ELF1: variants seen among roughly 807,000 people sequenced by gnomAD.
ELF1 encodes ETS-related transcription factor Elf-1.
In ELF1, 24 loss-of-function variants were observed where a neutral mutation model predicts 59.9. That is an observed-to-expected ratio of 0.40 (90% CI 0.29 to 0.56). ELF1 has a LOEUF of 0.56. Ranked by LOEUF, ELF1 falls within the 20% of genes least tolerant of loss-of-function variation. The pLI is 0.44. For synonymous variants in ELF1, 248 were observed against 266.2 expected, an observed-to-expected ratio of 0.93 and a Z score of 0.67; for missense variants, 627 against 742.2, an observed-to-expected ratio of 0.84 and a Z score of 1.80.
intron 2 of ELF1, among the ~76,000 whole-genome samples, chr13:40,973,506 T>G (rs867940340): frequency 2.6e-4 from 39 of 152,228 alleles, no homozygotes; most frequent in South Asian, 6.2e-4. Flanking sequence ...ATCTTTTATG[T>G]GCTATGTGTT....
chr13:41,051,127 G>A (rs957450646), intron 1 of ELF1, among the ~76,000 whole-genome samples: 1 of 151,982 alleles, frequency 6.6e-6, no homozygotes, highest in Non-Finnish European at 1.5e-5. Flanking sequence ...CTTCTAGAAG[G>A]TAATGGCAAT....
At chr13:41,024,496 A>AT (rs774575562) in intron 1 of ELF1, among the ~76,000 whole-genome samples, 12 of 151,824 alleles carry the variant, frequency 7.9e-5, no homozygotes, top group Non-Finnish European at 1.6e-4. Flanking sequence ...TATTTTTTGT[A>AT]TTTTTTTGTA....
chr13:40,989,219 T>C lies in ELF1; in HGVS notation c.-228-6937A>G, dbSNP rs567882365. Among the ~76,000 whole-genome samples, 89 of 152,290 alleles carry C rather than the reference T, an allele frequency of 5.8e-4. 1 individual carries two copies. The South Asian group carries it at 0.018, about 31-fold the overall frequency. On this transcript the variant is annotated intron_variant, in intron 1 of 8. Transcript: ENST00000239882. Reference sequence around the variant, plus strand: ...TAGTTAAGAAACCAGATTTGAACTTTCCCAAAAAAGAATAGTCATACTTTC... The same window carrying C: ...TAGTTAAGAAACCAGATTTGAACTTCCCCAAAAAAGAATAGTCATACTTTC...
At position 40,951,370 on chromosome 13, in the gene ELF1, T is replaced by G. The variant is rs1350852775; in HGVS notation, c.320A>C (p.Asn107Thr). 6.2e-7 allele frequency: 1 copy of G among 1,613,822 alleles called. No individual in the cohort carries two copies. The highest frequency in any genetic ancestry group is 8.5e-7 in the Non-Finnish European group (1 of 1,179,820). Residue 107 changes from asparagine to threonine, a missense_variant, in exon 4 of 9, where the codon AAT (asparagine) becomes ACT (threonine). By Grantham distance (65) the Asn-to-Thr change is moderately conservative. Coordinates refer to ENST00000239882, the MANE Select transcript of ELF1 (RefSeq NM_172373.4). ...CAGCATAGGGCCAGGGGAATCCATA[T>G]TGAGGAGTGCCTCAGCAGCCTCAAT... is the stretch of plus-strand genomic sequence containing the variant. ...ETIEAAEALLNMDSPGPMLDE... is the reference protein window; with the variant it reads ...ETIEAAEALLTMDSPGPMLDE...
chr13:40,956,571 C>CAAAAAAAAAAAA (rs34245662), intron 3 of ELF1, among the ~76,000 whole-genome samples: 7 of 76,134 alleles, frequency 9.2e-5, no homozygotes, highest in Non-Finnish European at 1.1e-4. Context: ...CAAGAATGAT[C>CAAAAAAAAAAAA]AAAAAAAAAA....
intron 3 of ELF1, among the ~76,000 whole-genome samples, chr13:40,954,314 G>A (rs1871056317): frequency 6.6e-6 from 1 of 152,206 alleles, no homozygotes; most frequent in South Asian, 2.1e-4. Flanking sequence ...AATGTTGGAG[G>A]AGGGGCCTGG....
chr13:40,981,673 T>C (rs556606568), intron 2 of ELF1, among the ~76,000 whole-genome samples: 4 of 152,270 alleles, frequency 2.6e-5, no homozygotes, highest in Non-Finnish European at 5.9e-5. Context: ...GTATATTCTC[T>C]AGAACTTTTC....
chr13:40,968,158 C>T (rs1192405061), intron 2 of ELF1, among the ~76,000 whole-genome samples: 1 of 152,174 alleles, frequency 6.6e-6, no homozygotes, highest in Non-Finnish European at 1.5e-5. Context: ...TAATGCTACA[C>T]TTCAATAAGA....
rs1593409273 is a variant in ELF1 at position 41,042,072 on chromosome 13, G to A, written c.-229+18766C>T. On this transcript the variant is annotated intron_variant, in intron 1 of 1. Transcript: ENST00000405737. Reference sequence around the variant, plus strand: ...CAGTCTTGTTCTGTCACACAGGCTGGAGTGCAGTGGCACGATCTAAGCTCA... The same window carrying A: ...CAGTCTTGTTCTGTCACACAGGCTGAAGTGCAGTGGCACGATCTAAGCTCA... Among the ~76,000 whole-genome samples, 7 of 152,036 alleles carry A rather than the reference G, an allele frequency of 4.6e-5. No individual in the cohort carries two copies. The South Asian group carries it at 1.5e-3, about 32-fold the overall frequency.
chr13:40,997,039 G>T (rs1314667229), intron 1 of ELF1, among the ~76,000 whole-genome samples: 1 of 151,962 alleles, frequency 6.6e-6, no homozygotes, highest in Non-Finnish European at 1.5e-5. Flanking sequence ...TTTTGTTCCT[G>T]TGACATTTTA....
intron 3 of ELF1, among the ~76,000 whole-genome samples, chr13:40,955,503 G>A (rs1225873474): frequency 1.8e-5 from 2 of 109,028 alleles, no homozygotes; most frequent in Non-Finnish European, 4.0e-5. Flanking sequence ...ACTGGGAAGT[G>A]AGGAGTCCCT....
chr13:40,998,315 CTA>C (rs1191248611), intron 1 of ELF1, among the ~76,000 whole-genome samples: 1 of 152,186 alleles, frequency 6.6e-6, no homozygotes, highest in East Asian at 1.9e-4. Context: ...TGCACCTTTT[CTA>C]TGTTTGTTTA....
intron 1 of ELF1, among the ~76,000 whole-genome samples, chr13:41,030,822 T>G (rs542621312): frequency 0.015 from 1,913 of 128,756 alleles, 19 homozygotes; most frequent in South Asian, 0.023. Flanking sequence ...TTGTTTTTTT[T>G]GGGGGGTGGG....
chr13:41,061,063 C>G (rs1271479879), exon 1 of ELF1: 1 of 195,206 alleles, frequency 5.1e-6, no homozygotes, highest in African/African-American at 2.3e-5. Context: ...GAGGCGAAGC[C>G]TAGCGACTCG....
chr13:40,996,965 C>T (rs1042357690), intron 1 of ELF1, among the ~76,000 whole-genome samples: 13 of 152,074 alleles, frequency 8.5e-5, no homozygotes, highest in African/African-American at 2.7e-4. Flanking sequence ...CTTTCCAGGC[C>T]TTCTGTCTGT....
chr13:40,995,720 A>G (rs1874096096), intron 1 of ELF1, among the ~76,000 whole-genome samples: 2 of 152,118 alleles, frequency 1.3e-5, no homozygotes, highest in Admixed American at 1.3e-4. Context: ...TATTAACTCA[A>G]AATGGATCGC....
chr13:41,031,122 G>A (rs1227093652), intron 1 of ELF1, among the ~76,000 whole-genome samples: 21 of 150,368 alleles, frequency 1.4e-4, no homozygotes, highest in African/African-American at 5.1e-4. Context: ...TGGCATCATT[G>A]CTCTACAGCC....
At position 40,943,124 on chromosome 13, in the gene ELF1, C is replaced by A; in HGVS notation, c.634G>T (p.Glu212Ter). Residue 212 changes from glutamate (E) to a stop codon, truncating the protein, a stop_gained, in exon 7 of 9, where the codon GAG (glutamate) becomes TAG (stop). Transcript: ENST00000239882. LOFTEE classifies it high-confidence loss of function. ...DGKGNTIYLW[E>*]FLLALLQDKA... ...TCCTGGAGCAGTGCCAGTAAAAACTCCCAAAGATAAATTGTGTTTCCTGAA... is the reference window on the plus strand; with the variant it reads ...TCCTGGAGCAGTGCCAGTAAAAACTACCAAAGATAAATTGTGTTTCCTGAA... 1 of 1,516,954 alleles carries A rather than the reference C, an allele frequency of 6.6e-7. No individual in the cohort carries two copies. Among genetic ancestry groups the A allele is most frequent in the Non-Finnish European group, 8.9e-7 (1 of 1,125,114 alleles). The allele number at this position is 1,516,954 out of a possible 1,614,324, so 94.0% of individuals were successfully genotyped here.
At chr13:40,998,054 G>A (rs1258917010) in intron 1 of ELF1, among the ~76,000 whole-genome samples, 1 of 152,100 alleles carries the variant, frequency 6.6e-6, no homozygotes, top group Non-Finnish European at 1.5e-5. Context: ...GGTTGAGGCG[G>A]GAGGATCACT....
Sources: allele counts gnomAD v4.1 joint callset (sites outside exome capture counted in the v4.1 genomes callset), GRCh38; gene constraint gnomAD v4.1.1; transcripts MANE v1.5; gene names NCBI Gene and HGNC (gene_info 2026-07-23, HGNC 2026-07-21).